The following PMM2 variants were observed in gnomAD, a reference collection of about 807,000 sequenced individuals.
PMM2 encodes the protein mannose-6-phosphate isomerase.
Under a neutral mutation model 33.2 loss-of-function variants are expected in PMM2, and 35 were observed. That is an observed-to-expected ratio of 1.06 (90% CI 0.81 to 1.40). The LOEUF is 1.40. Among genes scored for constraint, PMM2 ranks in the 40% most tolerant of loss-of-function variants. The pLI is 0.00. For synonymous variants in PMM2, 153 were observed against 114.7 expected (o/e 1.33, Z -2.13); for missense variants, 386 against 306.0 (o/e 1.26, Z -1.95).
At chr16:8,838,520 G>C (rs989182467) in intron 7 of PMM2, among the ~76,000 whole-genome samples, 3 of 151,930 alleles carry the variant, frequency 2.0e-5, no homozygotes, top group Non-Finnish European at 4.4e-5. Context: ...TGCTTCAAGC[G>C]GGATTAGGGG....
At chr16:8,820,263 C>T (rs2060730253) in intron 7 of PMM2, among the ~76,000 whole-genome samples, 1 of 151,800 alleles carries the variant, frequency 6.6e-6, no homozygotes. Context: ...CCATGTTGAC[C>T]CAGATCTGGC....
At chr16:8,808,724 T>A in intron 4 of PMM2, 1 of 152,178 alleles carries the variant, frequency 6.6e-6, no homozygotes, top group East Asian at 1.9e-4. Flanking sequence ...TGGGGGGGCA[T>A]TAATTGAGCT....
chr16:8,801,773 G>C lies in PMM2; in HGVS notation c.67-26G>C, dbSNP rs550882825. The C allele has an allele frequency of 2.7e-5, 37 of 1,390,742 alleles. No individual in the cohort carries two copies. In the East Asian group the frequency reaches 7.0e-4, roughly 26 times the overall value. The allele number at this position is 1,390,742 out of a possible 1,614,324, so 86.2% of individuals were successfully genotyped here. Reference sequence around the variant, plus strand: ...CCTGATTATTGTGTGGCTTATGACTGTTGTATTTTCTTTCTTGAAATTTAG... The same window carrying C: ...CCTGATTATTGTGTGGCTTATGACTCTTGTATTTTCTTTCTTGAAATTTAG... On this transcript the variant is annotated intron_variant, in intron 1 of 7. Coordinates refer to ENST00000268261, the MANE Select transcript of PMM2 (RefSeq NM_000303.3).
intron 3 of PMM2, among the ~76,000 whole-genome samples, chr16:8,805,579 T>C (rs1257719270): frequency 1.3e-5 from 2 of 151,072 alleles, no homozygotes; most frequent in Non-Finnish European, 2.9e-5. Flanking sequence ...ACTGCTTCAC[T>C]ATAAGCATTT....
chr16:8,811,784 T>C (rs766982019), intron 6 of PMM2, 71 bp downstream of exon 6: 2 of 1,024,864 alleles, frequency 2.0e-6, no homozygotes, highest in Non-Finnish European at 3.1e-6. Flanking sequence ...GCCAGTGAGC[T>C]ATTGATAATG....
chr16:8,817,364 G>C (rs1249985773), intron 7 of PMM2, among the ~76,000 whole-genome samples: 4 of 152,188 alleles, frequency 2.6e-5, no homozygotes, highest in Non-Finnish European at 5.9e-5. Flanking sequence ...AGGATCTAAG[G>C]GATGCCCGGA....
chr16:8,810,693 C>G (rs146913084), intron 4 of PMM2: 5 of 328,762 alleles, frequency 1.5e-5, no homozygotes, highest in Admixed American at 4.6e-5. Context: ...CTTCCTGCCT[C>G]AACCTCCTGA....
intron 7 of PMM2, among the ~76,000 whole-genome samples, chr16:8,845,646 T>C (rs892856779): frequency 1.3e-5 from 2 of 152,036 alleles, no homozygotes; most frequent in Admixed American, 6.6e-5. Context: ...TGGTCTGTTC[T>C]TGGCTCACTG....
intron 7 of PMM2, chr16:8,842,493 G>A (rs370511146): frequency 1.3e-5 from 2 of 152,224 alleles, no homozygotes; most frequent in Admixed American, 6.5e-5. Context: ...TGCTGGGACT[G>A]ATGGGTGTCA....
intron 7 of PMM2, among the ~76,000 whole-genome samples, chr16:8,846,159 A>C (rs1335776629): frequency 1.3e-5 from 2 of 152,142 alleles, no homozygotes; most frequent in Non-Finnish European, 2.9e-5. Flanking sequence ...CCCTGGGCCC[A>C]GCGACGTTCC....
intron 4 of PMM2, chr16:8,808,532 C>A (rs2060659095): frequency 6.6e-6 from 1 of 152,234 alleles, no homozygotes; most frequent in South Asian, 2.1e-4. Flanking sequence ...ATTTGCCTGA[C>A]AACACTAACT....
At chr16:8,812,442 A>C (rs913869382) in intron 6 of PMM2, among the ~76,000 whole-genome samples, 2 of 152,236 alleles carry the variant, frequency 1.3e-5, no homozygotes, top group African/African-American at 4.8e-5. Context: ...TGGAATGGCA[A>C]AGGGATTATA....
chr16:8,804,022 G>GTTTTT (rs770345977), intron 2 of PMM2, among the ~76,000 whole-genome samples: 2 of 25,992 alleles, frequency 7.7e-5, no homozygotes, highest in African/African-American at 1.3e-4. Flanking sequence ...TGTTTTTTGG[G>GTTTTT]TTTTTTTTGT....
intron 7 of PMM2, among the ~76,000 whole-genome samples, chr16:8,814,988 CCCT>C (rs1158784428): frequency 6.6e-6 from 1 of 152,140 alleles, no homozygotes; most frequent in Non-Finnish European, 1.5e-5. Context: ...CTCTCCATCT[CCCT>C]CCTCCACCGC....
chr16:8,834,765 G>C (rs112921884), intron 7 of PMM2, among the ~76,000 whole-genome samples: 11 of 152,108 alleles, frequency 7.2e-5, no homozygotes, highest in African/African-American at 2.7e-4. Context: ...GATTAGGCCT[G>C]GTGGAACCGC....
At chr16:8,815,096 C>G (rs8057073) in intron 7 of PMM2, among the ~76,000 whole-genome samples, 59,011 of 152,038 alleles carry the variant, frequency 0.39, 11,806 homozygotes, top group South Asian at 0.54. Flanking sequence ...ATTCATCCTT[C>G]TGTAAGGGGC....
Position 8,848,381 on chromosome 16 carries a change from A to T in PMM2, c.*556A>T. Reference sequence around the variant, plus strand: ...GGGGCTGTGAGTGGGGCAGTGTGATACCCAGTGACTAGACGCACTCTGCGT... The same window carrying T: ...GGGGCTGTGAGTGGGGCAGTGTGATTCCCAGTGACTAGACGCACTCTGCGT... On this transcript the variant is annotated 3_prime_UTR_variant, in exon 8 of 8. Transcript: ENST00000268261. The T allele has an allele frequency of 5.6e-6, 1 of 178,166 alleles. No homozygotes were observed. The highest frequency in any genetic ancestry group is 1.2e-4 in the South Asian group (1 of 8,428). The allele number at this position is 178,166 out of a possible 1,614,324, so 11.0% of individuals were successfully genotyped here.
At chr16:8,821,681 C>T (rs911109437) in intron 7 of PMM2, among the ~76,000 whole-genome samples, 1 of 152,220 alleles carries the variant, frequency 6.6e-6, no homozygotes, top group African/African-American at 2.4e-5. Flanking sequence ...ACCCAAGGGT[C>T]ACTCGCCCTA....
chr16:8,832,926 C>T (rs1452526478), intron 7 of PMM2: 9 of 984,814 alleles, frequency 9.1e-6, no homozygotes, highest in African/African-American at 1.8e-5. Flanking sequence ...TCCCTTTGCT[C>T]AACAAGGCGC....
Sources: gnomAD v4.1 joint callset for allele counts (sites outside exome capture counted in the v4.1 genomes callset) on GRCh38, gnomAD v4.1.1 for gene constraint, MANE v1.5 for transcripts, NCBI Gene and HGNC (gene_info 2026-07-23, HGNC 2026-07-21) for gene names.